TRPC7: variants seen among roughly 807,000 people sequenced by gnomAD.
The protein encoded by TRPC7 is transient receptor potential cation channel subfamily C member 7.
Under a neutral mutation model 90.1 loss-of-function variants are expected in TRPC7, and 42 were observed. The observed-to-expected ratio is 0.47, with a 90% confidence interval of 0.36 to 0.60. TRPC7 has a LOEUF of 0.60. Ranked by LOEUF, TRPC7 falls within the 20% of genes least tolerant of loss-of-function variation. The probability of loss-of-function intolerance (pLI) is 0.00; values close to 1 mark genes in which losing one functional copy is unlikely to be tolerated. For missense variants in TRPC7, 955 were observed against 1,112.3 expected, an observed-to-expected ratio of 0.86 and a Z score of 2.01; for synonymous variants, 451 against 436.3, an observed-to-expected ratio of 1.03 and a Z score of -0.42.
intron 2 of TRPC7, among the ~76,000 whole-genome samples, chr5:136,345,610 G>C (rs1759982016): frequency 6.6e-6 from 1 of 152,116 alleles, no homozygotes; most frequent in Admixed American, 6.6e-5. Context: ...CCCTTTGTCA[G>C]ATGAGTAGAT....
rs1413406796 is a variant in TRPC7 at position 136,226,328 on chromosome 5, G to C, written c.2041-73C>G. 16 of 1,083,194 alleles carry C rather than the reference G, an allele frequency of 1.5e-5. No individual in the cohort carries two copies. In the East Asian group the frequency reaches 3.9e-4, roughly 26 times the overall value. 67.1% of individuals were successfully genotyped at this position (1,083,194 alleles called of 1,614,324 possible). ...ACAACGGAGCCCAACCTGAGGAGCA[G>C]AGACACAGCCCCAACATTCGGAAAG... On this transcript the variant is annotated intron_variant, in intron 8 of 11. Coordinates refer to ENST00000513104, the MANE Select transcript of TRPC7 (RefSeq NM_020389.3).
intron 5 of TRPC7, among the ~76,000 whole-genome samples, chr5:136,257,002 GA>G (rs1402919966): frequency 1.3e-5 from 2 of 152,166 alleles, no homozygotes; most frequent in East Asian, 3.9e-4. Flanking sequence ...AGACAGTAAT[GA>G]GGGCTCTTCC....
At chr5:136,236,467 G>C (rs573783215) in intron 7 of TRPC7, among the ~76,000 whole-genome samples, 8 of 152,086 alleles carry the variant, frequency 5.3e-5, no homozygotes, top group Non-Finnish European at 1.2e-4. Context: ...ATTTGACTCT[G>C]GGCCTGCAGT....
At chr5:136,246,639 CT>C (rs1385621649) in intron 7 of TRPC7, among the ~76,000 whole-genome samples, 1 of 152,214 alleles carries the variant, frequency 6.6e-6, no homozygotes, top group Non-Finnish European at 1.5e-5. Flanking sequence ...CTTGCTTCCC[CT>C]CTTCCCATTC....
At chr5:136,322,422 A>G (rs921520371) in intron 2 of TRPC7, among the ~76,000 whole-genome samples, 3 of 152,204 alleles carry the variant, frequency 2.0e-5, no homozygotes, top group Admixed American at 1.3e-4. Context: ...TTAACCTTGT[A>G]AGAAGCTTCC....
At chr5:136,351,292 C>T (rs569517542) in intron 2 of TRPC7, among the ~76,000 whole-genome samples, 1 of 152,144 alleles carries the variant, frequency 6.6e-6, no homozygotes, top group Non-Finnish European at 1.5e-5. Context: ...CATAAAACTT[C>T]CCTTTAAGAC....
chr5:136,313,417 A>ATCTATCTG (rs1240226914), intron 3 of TRPC7, among the ~76,000 whole-genome samples: 2 of 151,668 alleles, frequency 1.3e-5, no homozygotes, highest in East Asian at 3.9e-4. Context: ...CTATCTATCT[A>ATCTATCTG]TCTGTCTATC....
At position 136,213,361 on chromosome 5, in the gene TRPC7, A is replaced by T; in HGVS notation, c.*74T>A. ...AGGAGTGGGCTGGGGACCCCTCCCC[A>T]CCAAGGATGGGGGCGAGGGCATCCA... On this transcript the variant is annotated 3_prime_UTR_variant, in exon 12 of 12. Transcript: ENST00000513104. 6.6e-7 allele frequency: 1 copy of T among 1,522,972 alleles called. No homozygotes were observed. The highest frequency in any genetic ancestry group is 1.9e-5 in the Admixed American group (1 of 52,730). 94.3% of individuals were successfully genotyped at this position (1,522,972 alleles called of 1,614,324 possible).
rs1278248833 is a variant in TRPC7, at chr5:136,251,805, C to A, written c.1423G>T (p.Asp475Tyr). ...EYVLHLWNLL[D>Y]FGMLSIFVAS... The stretch of plus-strand genomic sequence containing the variant: ...ACGAAGATGGACAGCATCCCGAAAT[C>A]TAGCAGGTTCCACAAGTGCAGCACG... The change falls in exon 6 of 12, where the codon GAT becomes TAT. Residue 475 changes from aspartate to tyrosine, a missense_variant. Physicochemically the swap from Asp to Tyr is radical, Grantham distance 160. This residue lies in a region of TRPC7 where 484 missense variants were observed against 509.6 expected (regional missense o/e 0.95). Coordinates refer to ENST00000513104, the MANE Select transcript of TRPC7 (RefSeq NM_020389.3). The A allele has an allele frequency of 2.5e-6, 4 of 1,614,050 alleles. No individual in the cohort carries two copies. The highest frequency in any genetic ancestry group is 3.4e-6 in the Non-Finnish European group (4 of 1,179,898).
At chr5:136,239,814 A>G (rs1756100904) in intron 7 of TRPC7, among the ~76,000 whole-genome samples, 1 of 152,150 alleles carries the variant, frequency 6.6e-6, no homozygotes, top group Non-Finnish European at 1.5e-5. Context: ...CATTTTCTCA[A>G]TTTGTAAACA....
At position 136,257,692 on chromosome 5, in the gene TRPC7, GTA is replaced by G. The variant is rs531053099; in HGVS notation, c.1346-5812_1346-5811del. On this transcript the variant is annotated intron_variant, in intron 5 of 11. Coordinates refer to ENST00000513104, the MANE Select transcript of TRPC7 (RefSeq NM_020389.3). ...AACAAAGCTATGTCTCAAGTATACCGTATCAAAATTTTTGTGGTAATTCAGTG... is the reference window on the plus strand; with the variant it reads ...AACAAAGCTATGTCTCAAGTATACCGTCAAAATTTTTGTGGTAATTCAGTG... 2.7e-3 allele frequency among the ~76,000 whole-genome samples: 416 copies of G among 152,156 alleles called. 2 individuals carry two copies. The highest frequency in any genetic ancestry group is 5.8e-3 in the Admixed American group (89 of 15,292).
intron 3 of TRPC7, among the ~76,000 whole-genome samples, chr5:136,312,104 C>T (rs1454529265): frequency 1.3e-5 from 2 of 152,126 alleles, no homozygotes; most frequent in Admixed American, 6.5e-5. Context: ...GGACTGACTT[C>T]AATAGGCACC....
intron 2 of TRPC7, among the ~76,000 whole-genome samples, chr5:136,333,352 C>A (rs566504736): frequency 2.0e-5 from 3 of 152,160 alleles, no homozygotes; most frequent in South Asian, 2.1e-4. Context: ...GGCACAGAGG[C>A]ACAAAAACAT....
At chr5:136,327,512 G>C (rs1012489446) in intron 2 of TRPC7, among the ~76,000 whole-genome samples, 43 of 152,128 alleles carry the variant, frequency 2.8e-4, no homozygotes, top group African/African-American at 9.7e-4. Context: ...CAGTGATGGG[G>C]GCTTTGCTGA....
chr5:136,268,390 CA>C (rs1757105604), intron 4 of TRPC7, among the ~76,000 whole-genome samples: 1 of 152,112 alleles, frequency 6.6e-6, no homozygotes, highest in Middle Eastern at 3.2e-3. Context: ...AGCAAGGTTT[CA>C]AGAATGTTAG....
intron 11 of TRPC7, among the ~76,000 whole-genome samples, 195 bp from the exon 12 acceptor site, chr5:136,213,799 G>A (rs1371119990): frequency 2.0e-5 from 3 of 152,150 alleles, no homozygotes; most frequent in Non-Finnish European, 4.4e-5. Context: ...AGGACACATC[G>A]ATCCATAGAA....
rs1758663293 is a variant in TRPC7 at position 136,307,106 on chromosome 5, A to G, written c.963+8491T>C. 2.0e-5 allele frequency among the ~76,000 whole-genome samples: 3 copies of G among 152,346 alleles called. 1 individual carries two copies. Among genetic ancestry groups the G allele is most frequent in the Middle Eastern group, 6.8e-3 (2 of 294 alleles). On this transcript the variant is annotated intron_variant, in intron 3 of 11. Coordinates refer to ENST00000513104, the MANE Select transcript of TRPC7 (RefSeq NM_020389.3). ...TTATGATTAAATCAAATTAATTAAC[A>G]TATTTATCACCTTGCTTACCTATCA...
At chr5:136,214,757 GA>G (rs1755206234) in intron 11 of TRPC7, among the ~76,000 whole-genome samples, 1 of 152,142 alleles carries the variant, frequency 6.6e-6, no homozygotes, top group Non-Finnish European at 1.5e-5. Flanking sequence ...GGTGCCCCAG[GA>G]TGAAGCAGAG....
At chr5:136,302,802 C>A (rs888140057) in intron 3 of TRPC7, among the ~76,000 whole-genome samples, 2 of 152,108 alleles carry the variant, frequency 1.3e-5, no homozygotes, top group Non-Finnish European at 2.9e-5. Context: ...AGGTGCCTGA[C>A]GTCCAGGCAT....
Sources: allele counts gnomAD v4.1 joint callset (sites outside exome capture counted in the v4.1 genomes callset), GRCh38; gene constraint gnomAD v4.1.1; regional missense constraint gnomAD v4.1.1; transcripts MANE v1.5; gene names NCBI Gene and HGNC (gene_info 2026-07-23, HGNC 2026-07-21).